The following MYH9 variants were observed in gnomAD, a reference collection of about 807,000 sequenced individuals.
MYH9 encodes myosin-9.
MYH9 carries 29 observed loss-of-function variants against 241.9 expected under a neutral mutation model. The ratio of observed to expected loss-of-function variants is 0.12; its 90% CI spans 0.09 to 0.16. The LOEUF (loss-of-function observed/expected upper bound fraction) is 0.16, where lower values mean the gene tolerates loss of function less well. Among genes scored for constraint, MYH9 ranks in the 10% least tolerant of loss-of-function variants. MYH9 has a pLI of 1.00. For synonymous variants in MYH9, 1,047 were observed against 1,062.6 expected (o/e 0.99, Z 0.29); for missense variants, 1,803 against 2,595.5 (o/e 0.69, Z 6.63).
In MYH9 at chr22:36,295,160, G is replaced by A. The variant is rs2016769119; in HGVS notation, c.3486-84C>T. 7 of 1,589,764 alleles carry A rather than the reference G, an allele frequency of 4.4e-6. No homozygotes were observed. The South Asian group carries it at 4.4e-5, about 10-fold the overall frequency. On this transcript the variant is annotated intron_variant, in intron 26 of 40. Coordinates refer to ENST00000216181, the MANE Select transcript of MYH9 (RefSeq NM_002473.6). The surrounding 1 kb of genome is among the most constrained non-coding windows in gnomAD (Gnocchi z 4.1). ...GGGGCTCTTCCCTGACCAAAGAGAG[G>A]CCTGGCCAGGGCACAGGCACTCCAG... is the stretch of plus-strand genomic sequence containing the variant.
At chr22:36,315,757 A>G (rs201867949) in intron 12 of MYH9, among the ~76,000 whole-genome samples, 1 of 128,428 alleles carries the variant, frequency 7.8e-6, no homozygotes, top group East Asian at 2.3e-4. Context: ...CAAAAAAAAA[A>G]TAACAAACAA....
chr22:36,282,869 A>C (rs1284225830), intron 40 of MYH9, 84 bp from the exon 41 acceptor site: 1 of 1,235,806 alleles, frequency 8.1e-7, no homozygotes, highest in African/African-American at 1.5e-5. Context: ...TCTCAAAGTG[A>C]ATTCGAGAGG....
At chr22:36,325,126 A>G (rs1473536540) in intron 5 of MYH9, 3 of 769,046 alleles carry the variant, frequency 3.9e-6, no homozygotes, top group Non-Finnish European at 4.8e-6. Context: ...TAGGCCTCCT[A>G]AAAAGAATGG....
rs5756131 is a variant in MYH9 at position 36,290,237 on chromosome 22, C to T, written c.4345-940G>A. On this transcript the variant is annotated intron_variant, in intron 31 of 40. Coordinates refer to ENST00000216181, the MANE Select transcript of MYH9 (RefSeq NM_002473.6). ...ATTAGCTGGGTGTGGTGGTGGTGCA[C>T]GCCTGTGGTCCCAGCCACTCAGGAA... 5.9e-3 allele frequency among the ~76,000 whole-genome samples: 893 copies of T among 151,032 alleles called. 47 individuals are homozygous for T. In the East Asian group the frequency reaches 0.13, roughly 23 times the overall value.
At chr22:36,325,852 A>T (rs2017327982) in intron 5 of MYH9, among the ~76,000 whole-genome samples, 2 of 152,228 alleles carry the variant, frequency 1.3e-5, no homozygotes, top group Non-Finnish European at 2.9e-5. Context: ...TGCCACACCC[A>T]GCCCCTCCTC....
At chr22:36,331,133 C>T (rs936481291) in intron 3 of MYH9, among the ~76,000 whole-genome samples, 1 of 152,104 alleles carries the variant, frequency 6.6e-6, no homozygotes, top group Non-Finnish European at 1.5e-5. Flanking sequence ...CAGCCGAGAG[C>T]GCTGTGGCCC....
chr22:36,324,726 C>T (rs1211470583), intron 5 of MYH9, among the ~76,000 whole-genome samples: 1 of 152,244 alleles, frequency 6.6e-6, no homozygotes, highest in Non-Finnish European at 1.5e-5. Flanking sequence ...GGCCAATGGT[C>T]TTTCACGCTG....
chr22:36,308,716 G>GT (rs1475435558), intron 15 of MYH9: 14 of 602,598 alleles, frequency 2.3e-5, no homozygotes, highest in Middle Eastern at 8.6e-4. Flanking sequence ...GCCAAGGCAA[G>GT]GGGGGGCGCG....
rs774636106 is a variant in MYH9 at position 36,292,230 on chromosome 22, G to T, written c.4100C>A (p.Ala1367Asp). ...GTCCTCCATCTTCTTTTTCATGTCG[G>T]CCACCTGGGCAGGAGCAAGGAGTAA... Reference protein sequence around the residue: ...KQIATLHAQVADMKKKMEDSV... With the variant: ...KQIATLHAQVDDMKKKMEDSV... Residue 1367 changes from alanine to aspartate, a missense_variant, in exon 31 of 41, where the codon GCC becomes GAC. This residue lies in a region of MYH9 where 876 missense variants were observed against 1,077.8 expected (regional missense o/e 0.81). Transcript: ENST00000216181. 6.2e-7 allele frequency: 1 copy of T among 1,613,738 alleles called. No individual in the cohort carries two copies. Among genetic ancestry groups the T allele is most frequent in the Non-Finnish European group, 8.5e-7 (1 of 1,180,024 alleles).
rs577559701 is a variant in MYH9, at chr22:36,330,854, C to T, written c.491-3366G>A. ...GGACAAGCCTCTTCTGGGACACGAG[C>T]CCCCTGCCAGATGAAAGTCTAGCCG... On this transcript the variant is annotated intron_variant, in intron 3 of 40. Transcript: ENST00000216181. This position sits in a 1 kb window ranked among gnomAD's most constrained non-coding sequence, Gnocchi z 4.5. Among the ~76,000 whole-genome samples the T allele has an allele frequency of 6.6e-6, 1 of 152,044 alleles. No individual in the cohort carries two copies.
At chr22:36,353,803 T>C (rs1269289904) in intron 1 of MYH9, among the ~76,000 whole-genome samples, 1 of 152,232 alleles carries the variant, frequency 6.6e-6, no homozygotes, top group Non-Finnish European at 1.5e-5. Flanking sequence ...ACCTGGCTCA[T>C]GGAAACACTT....
chr22:36,343,878 G>T (rs1411853108), intron 2 of MYH9, among the ~76,000 whole-genome samples: 4 of 152,172 alleles, frequency 2.6e-5, no homozygotes, highest in Non-Finnish European at 5.9e-5. Context: ...ATCAAGCTTT[G>T]TTCCTGGACT....
At chr22:36,302,970 C>T (rs1367730650) in intron 19 of MYH9, among the ~76,000 whole-genome samples, 1 of 152,208 alleles carries the variant, frequency 6.6e-6, no homozygotes, top group Non-Finnish European at 1.5e-5. Flanking sequence ...ACAGATCCTA[C>T]TCAGTGTGGG....
intron 1 of MYH9, among the ~76,000 whole-genome samples, chr22:36,382,296 G>A (rs1275545470): frequency 6.6e-6 from 1 of 151,734 alleles, no homozygotes; most frequent in East Asian, 2.0e-4. Flanking sequence ...CCAACATGGT[G>A]AAACCCCATT....
chr22:36,330,521 T>C lies in MYH9; in HGVS notation c.491-3033A>G, dbSNP rs2017405420. Among the ~76,000 whole-genome samples the C allele has an allele frequency of 6.6e-6, 1 of 152,226 alleles. No homozygotes were observed. Among genetic ancestry groups the C allele is most frequent in the Non-Finnish European group, 1.5e-5 (1 of 68,034 alleles). On this transcript the variant is annotated intron_variant, in intron 3 of 40. Transcript: ENST00000216181. The surrounding 1 kb of genome is among the most constrained non-coding windows in gnomAD (Gnocchi z 4.5). ...CCATCTTTCCACACAGCGGTTCTTC[T>C]GGATTTGTTCCTGATCTCAGAGGCA...
intron 24 of MYH9, among the ~76,000 whole-genome samples, chr22:36,298,512 G>A (rs941420636): frequency 6.6e-6 from 1 of 152,214 alleles, no homozygotes. Context: ...TAAAACTAAA[G>A]CTCATGGAGC....
chr22:36,364,114 A>AC (rs1362876787), intron 1 of MYH9, among the ~76,000 whole-genome samples: 12 of 152,224 alleles, frequency 7.9e-5, no homozygotes, highest in Non-Finnish European at 1.3e-4. Flanking sequence ...GAGAAGTGCA[A>AC]CCAGAGACCA....
Position 36,291,983 on chromosome 22 carries a change from C to A in MYH9, c.4344+3G>T, listed in dbSNP as rs755404997. On this transcript the variant is annotated splice_donor_region_variant and intron_variant, in intron 31 of 40. Transcript: ENST00000216181. ...GCAAAGGATGGGGCCAACGGCCACA[C>A]ACCTGGTCAAACTTCTTCTGCTTCT... 1 of 1,614,202 alleles carries A rather than the reference C, an allele frequency of 6.2e-7. No homozygotes were observed. Among genetic ancestry groups the A allele is most frequent in the Admixed American group, 1.7e-5 (1 of 60,034 alleles).
At chr22:36,297,359 A>C in intron 24 of MYH9, 2 of 280,938 alleles carry the variant, frequency 7.1e-6, no homozygotes, top group South Asian at 4.1e-5. Context: ...GAACTTATAT[A>C]ATGGAACTGC....
Sources: allele counts gnomAD v4.1 joint callset (sites outside exome capture counted in the v4.1 genomes callset), GRCh38; gene constraint gnomAD v4.1.1; regional missense constraint gnomAD v4.1.1; non-coding constraint Gnocchi (gnomAD v3.1); transcripts MANE v1.5; gene names NCBI Gene and HGNC (gene_info 2026-07-23, HGNC 2026-07-21).